LRFN2: variants seen among roughly 807,000 people sequenced by gnomAD.
The protein encoded by LRFN2 is leucine-rich repeat and fibronectin type-III domain-containing protein 2.
A neutral mutation model predicts 37.3 loss-of-function variants in LRFN2; 18 were observed. The observed-to-expected ratio is 0.48, with a 90% confidence interval of 0.33 to 0.72. The LOEUF is 0.72. Ranked by LOEUF, LRFN2 falls within the 30% of genes least tolerant of loss-of-function variation. The pLI is 0.02. For synonymous variants in LRFN2, 556 were observed against 466.6 expected (o/e 1.19, Z -2.47); for missense variants, 1,006 against 1,060.7 (o/e 0.95, Z 0.72).
At chr6:40,526,300 T>C (rs530818916) in intron 1 of LRFN2, among the ~76,000 whole-genome samples, 1 of 152,352 alleles carries the variant, frequency 6.6e-6, no homozygotes, top group East Asian at 1.9e-4. Context: ...ATGGTGTGTG[T>C]ATGCGTCACC....
chr6:40,526,966 G>C (rs441942), intron 1 of LRFN2, among the ~76,000 whole-genome samples: 99,091 of 151,896 alleles, frequency 0.65, 33,513 homozygotes, highest in African/African-American at 0.84. Context: ...CAAAGGGACT[G>C]AGTAGGACTA....
intron 1 of LRFN2, among the ~76,000 whole-genome samples, chr6:40,462,292 G>T (rs994145718): frequency 6.6e-6 from 1 of 152,214 alleles, no homozygotes; most frequent in Non-Finnish European, 1.5e-5. Context: ...TGGGATAGTG[G>T]CTGGTAGGAA....
intron 1 of LRFN2, among the ~76,000 whole-genome samples, chr6:40,455,008 G>A (rs56198855): frequency 0.51 from 76,874 of 151,996 alleles, 19,657 homozygotes; most frequent in South Asian, 0.59. Flanking sequence ...TGGGAATCTA[G>A]GACATAAAAA....
At chr6:40,570,177 C>A (rs1168226833) in intron 1 of LRFN2, among the ~76,000 whole-genome samples, 2 of 152,152 alleles carry the variant, frequency 1.3e-5, no homozygotes, top group African/African-American at 4.8e-5. Flanking sequence ...TCTAACCAAC[C>A]CTCAACTACT....
At chr6:40,548,283 C>T (rs148011213) in intron 1 of LRFN2, among the ~76,000 whole-genome samples, 4,815 of 152,056 alleles carry the variant, frequency 0.032, 103 homozygotes, top group Admixed American at 0.041. Context: ...CTACTAAAAA[C>T]ACAAAAAATT....
intron 2 of LRFN2, among the ~76,000 whole-genome samples, chr6:40,418,792 T>G (rs1189407655): frequency 3.3e-5 from 5 of 152,134 alleles, no homozygotes; most frequent in Non-Finnish European, 7.4e-5. Flanking sequence ...TGAGTCCAAA[T>G]AAGAAAACAT....
chr6:40,433,836 G>C (rs985352846), intron 1 of LRFN2, among the ~76,000 whole-genome samples: 1 of 152,140 alleles, frequency 6.6e-6, no homozygotes, highest in Non-Finnish European at 1.5e-5. Context: ...AGTGAATTCT[G>C]AACCCTTCAT....
chr6:40,525,196 G>A (rs931702148), intron 1 of LRFN2, among the ~76,000 whole-genome samples: 1 of 152,182 alleles, frequency 6.6e-6, no homozygotes, highest in Non-Finnish European at 1.5e-5. Flanking sequence ...GAGGGGAGCA[G>A]GACACAGGAG....
intron 2 of LRFN2, among the ~76,000 whole-genome samples, chr6:40,395,920 C>T (rs1360315839): frequency 6.6e-6 from 1 of 152,156 alleles, no homozygotes; most frequent in African/African-American, 2.4e-5. Context: ...TTACTGAATA[C>T]CTGTTGTGTA....
intron 1 of LRFN2, among the ~76,000 whole-genome samples, chr6:40,557,871 T>C (rs1283206609): frequency 6.6e-6 from 1 of 152,242 alleles, no homozygotes. Flanking sequence ...CAGCAACTTC[T>C]ATGGGAGTGA....
At chr6:40,511,998 G>A (rs1471761568) in intron 1 of LRFN2, among the ~76,000 whole-genome samples, 6 of 152,204 alleles carry the variant, frequency 3.9e-5, no homozygotes, top group Non-Finnish European at 5.9e-5. Flanking sequence ...GCAAAGATGA[G>A]CAAAGCCAGG....
intron 1 of LRFN2, among the ~76,000 whole-genome samples, chr6:40,461,981 C>G (rs935837144): frequency 1.3e-5 from 2 of 152,168 alleles, no homozygotes; most frequent in Non-Finnish European, 2.9e-5. Flanking sequence ...GGTAAGATCA[C>G]AAGTCTTGCT....
chr6:40,509,960 A>G (rs893938216), intron 1 of LRFN2, among the ~76,000 whole-genome samples: 1 of 150,422 alleles, frequency 6.6e-6, no homozygotes, highest in East Asian at 2.0e-4. Context: ...GGGTGGGTGT[A>G]TGCATGTGGG....
chr6:40,480,364 A>G (rs1220409295), intron 1 of LRFN2, among the ~76,000 whole-genome samples: 1 of 151,866 alleles, frequency 6.6e-6, no homozygotes, highest in African/African-American at 2.4e-5. Context: ...TGCAGCCTCA[A>G]CCTCCCTGGG....
intron 2 of LRFN2, among the ~76,000 whole-genome samples, chr6:40,400,275 G>C (rs1160300266): frequency 2.0e-5 from 3 of 151,800 alleles, no homozygotes; most frequent in Non-Finnish European, 1.5e-5. Context: ...TTACCCTACG[G>C]TTAGGCAGTG....
chr6:40,471,994 G>T (rs1326368774), intron 1 of LRFN2, among the ~76,000 whole-genome samples: 3 of 152,194 alleles, frequency 2.0e-5, no homozygotes, highest in Non-Finnish European at 2.9e-5. Flanking sequence ...CAGTCACAGG[G>T]ACCCAGTGAC....
At chr6:40,471,238 G>A (rs1764589044) in intron 1 of LRFN2, among the ~76,000 whole-genome samples, 1 of 152,170 alleles carries the variant, frequency 6.6e-6, no homozygotes. Flanking sequence ...AGGGTAGAAG[G>A]TACAGGAAGG....
intron 1 of LRFN2, chr6:40,523,883 G>C (rs932031065): frequency 2.6e-5 from 4 of 152,154 alleles, no homozygotes; most frequent in African/African-American, 9.7e-5. Context: ...CAAGGACAGA[G>C]AGATGATTAG....
At chr6:40,568,568 C>T (rs966556580) in intron 1 of LRFN2, among the ~76,000 whole-genome samples, 2 of 152,180 alleles carry the variant, frequency 1.3e-5, no homozygotes, top group East Asian at 1.9e-4. Context: ...CCAAATGCCT[C>T]GCTAATGCTA....
Sources: allele counts gnomAD v4.1 joint callset (sites outside exome capture counted in the v4.1 genomes callset), GRCh38; gene constraint gnomAD v4.1.1; transcripts MANE v1.5; gene names NCBI Gene and HGNC (gene_info 2026-07-23, HGNC 2026-07-21).